The following GART variants were observed in gnomAD, a reference collection of about 807,000 sequenced individuals.
The protein encoded by GART is phosphoribosylglycinamide formyltransferase, phosphoribosylglycinamide synthetase, phosphoribosylaminoimidazole synthetase, also known as trifunctional purine biosynthetic protein adenosine-3.
GART carries 43 observed loss-of-function variants against 107.2 expected under a neutral mutation model. The ratio of observed to expected loss-of-function variants is 0.40; its 90% confidence interval spans 0.31 to 0.52. GART has a LOEUF of 0.52. Among genes scored for constraint, GART ranks in the 20% least tolerant of loss-of-function variants. The pLI is 0.52. For synonymous variants in GART, 434 were observed against 427.0 expected (o/e 1.02, Z -0.20); for missense variants, 1,107 against 1,206.5 (o/e 0.92, Z 1.22).
intron 12 of GART, 102 bp from the exon 13 acceptor site, chr21:33,521,117 G>A (rs1300650567): frequency 2.4e-5 from 20 of 833,344 alleles, no homozygotes; most frequent in Non-Finnish European, 3.5e-5. Context: ...TTAGCGGCCT[G>A]TGAGATGTAC....
In GART at chr21:33,508,329, TA is replaced by T. The variant is rs562243076; in HGVS notation, c.2452+1453del. On this transcript the variant is annotated intron_variant, in intron 18 of 21. Transcript: ENST00000381815. The stretch of plus-strand genomic sequence containing the variant: ...GCTATGACTCTTACAATAGTTTCTT[TA>T]AAAAAAAAAAATTTTAGATTCGGGG... Among the ~76,000 whole-genome samples, 365 of 147,516 alleles carry T rather than the reference TA, an allele frequency of 2.5e-3. 2 individuals carry two copies. Among genetic ancestry groups the T allele is most frequent in the African/African-American group, 6.8e-3 (275 of 40,398 alleles).
chr21:33,522,148 T>G (rs1356710481), intron 12 of GART, 40 bp downstream of exon 12: 1 of 1,384,022 alleles, frequency 7.2e-7, no homozygotes, highest in Non-Finnish European at 1.0e-6. Flanking sequence ...TCACAATGTA[T>G]ATCAAAGTTA....
chr21:33,512,273 G>A (rs1408602792), intron 16 of GART, among the ~76,000 whole-genome samples: 1 of 112,606 alleles, frequency 8.9e-6, no homozygotes, highest in African/African-American at 3.5e-5. Flanking sequence ...GACAGAGTGA[G>A]ACTCCGACTC....
Position 33,528,884 on chromosome 21 carries a change from C to A in GART, c.777G>T (p.Val259=). ...GAGTACCCTCTTGCTGCATGCCATC[C>A]ACTGTCCTCTGAAGAACAGTATCTT... The part of the protein sequence containing the change: ...KIKDTVLQRT[V]DGMQQEGTPY... The change falls in exon 8 of 22, where the codon GTG becomes GTT. Residue 259 remains valine (V), a synonymous_variant. Coordinates refer to ENST00000381815, the MANE Select transcript of GART (RefSeq NM_000819.5). 6.2e-7 allele frequency: 1 copy of A among 1,613,594 alleles called. No homozygotes were observed. The highest frequency in any genetic ancestry group is 8.5e-7 in the Non-Finnish European group (1 of 1,179,626).
At position 33,504,063 on chromosome 21, in the gene GART, A is replaced by C; in HGVS notation, c.*61T>G. ...TTTTGGGCCAAGTCCATGATAAAAA[A>C]CCACCATGCAAACAGCAAATAATTC... On this transcript the variant is annotated 3_prime_UTR_variant, in exon 22 of 22. Coordinates refer to ENST00000381815, the MANE Select transcript of GART (RefSeq NM_000819.5). 6.8e-7 allele frequency: 1 copy of C among 1,464,636 alleles called. No individual in the cohort carries two copies. The highest frequency in any genetic ancestry group is 1.4e-5 in the South Asian group (1 of 71,448). The allele number at this position is 1,464,636 out of a possible 1,614,324, so 90.7% of individuals were successfully genotyped here. A position where few individuals can be genotyped will look rare whatever the true frequency, so the allele number is the denominator to read the frequency against.
In GART at chr21:33,536,418, T is replaced by C. The variant is rs76687027; in HGVS notation, c.146-1098A>G. On this transcript the variant is annotated intron_variant, in intron 2 of 21. Transcript: ENST00000381815. ...ACCATTCGTTAAGTCAGCTGAAGTG[T>C]GCAATCACTCTGCCATTGGTACAGA... Among the ~76,000 whole-genome samples the C allele has an allele frequency of 4.5e-3, 688 of 152,344 alleles. 3 individuals are homozygous for C. Among genetic ancestry groups the C allele is most frequent in the Middle Eastern group, 0.014 (4 of 294 alleles).
intron 16 of GART, among the ~76,000 whole-genome samples, chr21:33,514,096 G>C (rs963837408): frequency 2.0e-5 from 3 of 152,016 alleles, no homozygotes; most frequent in African/African-American, 7.3e-5. Flanking sequence ...GTGAAACCCC[G>C]TCTCTACTAA....
intron 2 of GART, 27 bp from the exon 3 acceptor site, chr21:33,535,347 A>C (rs1360671921): frequency 6.2e-6 from 8 of 1,282,676 alleles, no homozygotes; most frequent in East Asian, 5.2e-5. Flanking sequence ...AAAAAAAAAA[A>C]CCACTGCATT....
intron 7 of GART, 61 bp downstream of exon 7, chr21:33,530,698 C>T (rs945810472): frequency 3.8e-6 from 5 of 1,331,820 alleles, no homozygotes; most frequent in Middle Eastern, 2.0e-4. Flanking sequence ...AAAGTATCAT[C>T]TAAGAGTTCT....
At chr21:33,524,691 G>A (rs2085035653) in intron 11 of GART, 78 bp downstream of exon 11, 3 of 1,590,258 alleles carry the variant, frequency 1.9e-6, no homozygotes, top group Non-Finnish European at 2.6e-6. Context: ...ATGACTTATA[G>A]GGTTAATGAA....
rs145056428 is a variant in GART, at chr21:33,517,396, A to C, written c.1915T>G (p.Ser639Ala). The change falls in exon 15 of 22, where the codon TCC (serine) becomes GCC (alanine). Residue 639 changes from serine to alanine, a missense_variant. By Grantham distance (99) the Ser-to-Ala change is moderately conservative. Transcript: ENST00000381815. ...KIVAKSSLQY[S>A]SPAPDGCGDQ... ...CCACAACCATCAGGTGCTGGAGAGG[A>C]GTACTGGAGGGAAGATTTTGCCACG... 24 of 1,614,012 alleles carry C rather than the reference A, an allele frequency of 1.5e-5. No individual in the cohort carries two copies. The highest frequency in any genetic ancestry group is 1.9e-5 in the Non-Finnish European group (22 of 1,180,036).
At position 33,517,423 on chromosome 21, in the gene GART, T is replaced by G. The variant is rs1178144546; in HGVS notation, c.1888A>C (p.Ile630Leu). 1.2e-6 allele frequency: 2 copies of G among 1,614,022 alleles called. No homozygotes were observed. The highest frequency in any genetic ancestry group is 1.7e-6 in the Non-Finnish European group (2 of 1,180,026). Reference protein sequence around the residue: ...HSNGFSLVRKIVAKSSLQYSS... With the variant: ...HSNGFSLVRKLVAKSSLQYSS... ...TACTGGAGGGAAGATTTTGCCACGA[T>G]TTTCCTCACAAGGCTAAATCCATTG... is the stretch of plus-strand genomic sequence containing the variant. The change falls in exon 15 of 22, where the codon ATC becomes CTC. Residue 630 changes from isoleucine to leucine, a missense_variant. Coordinates refer to ENST00000381815, the MANE Select transcript of GART (RefSeq NM_000819.5).
rs199789229 is a variant in GART, at chr21:33,539,335, A to G, written c.-20T>C. 2 of 1,593,364 alleles carry G rather than the reference A, an allele frequency of 1.3e-6. No individual in the cohort carries two copies. Among genetic ancestry groups the G allele is most frequent in the African/African-American group, 2.7e-5 (2 of 73,350 alleles). ...TGCCATTGTTCTGTCTGTAAAGCAG[A>G]AATTCCAAAGGAAAATGAAACCTGC... On this transcript the variant is annotated 5_prime_UTR_variant, in exon 2 of 22. Transcript: ENST00000381815.
intron 1 of GART, among the ~76,000 whole-genome samples, chr21:33,539,669 G>C (rs1228986457): frequency 1.3e-5 from 2 of 151,516 alleles, no homozygotes; most frequent in Non-Finnish European, 2.9e-5. Context: ...CTCTAGCCTG[G>C]GAAACAGAGC....
intron 4 of GART, among the ~76,000 whole-genome samples, chr21:33,533,911 G>A (rs192115312): frequency 1.3e-5 from 2 of 151,582 alleles, no homozygotes; most frequent in Admixed American, 6.6e-5. Flanking sequence ...TCTCAGGTTG[G>A]GGGGTGGTGG....
intron 7 of GART, among the ~76,000 whole-genome samples, chr21:33,529,957 G>A (rs1396290961): frequency 6.6e-6 from 1 of 151,932 alleles, no homozygotes; most frequent in East Asian, 1.9e-4. Context: ...CACTTTGGGA[G>A]GCCGAGGTGG....
chr21:33,535,324 T>G lies in GART; in HGVS notation c.146-4A>C. The stretch of plus-strand genomic sequence containing the variant: ...GTGTGGTCACTGATTGAGATGGCTG[T>G]AAACAGAAAAAAAAAAAAAAAAACC... On this transcript the variant is annotated splice_polypyrimidine_tract_variant and splice_region_variant and intron_variant, in intron 2 of 21. Coordinates refer to ENST00000381815, the MANE Select transcript of GART (RefSeq NM_000819.5). 1.8e-6 allele frequency: 1 copy of G among 548,098 alleles called. No individual in the cohort carries two copies. Among genetic ancestry groups the G allele is most frequent in the Admixed American group, 3.4e-5 (1 of 29,000 alleles). The allele number at this position is 548,098 out of a possible 1,614,324, so 34.0% of individuals were successfully genotyped here.
chr21:33,527,131 A>G (rs148277287), intron 10 of GART, among the ~76,000 whole-genome samples: 1 of 152,316 alleles, frequency 6.6e-6, no homozygotes, highest in Non-Finnish European at 1.5e-5. Context: ...AAAGGAATCA[A>G]TTCTTAACTG....
intron 7 of GART, among the ~76,000 whole-genome samples, chr21:33,530,194 AAAC>A (rs930793483): frequency 5.9e-5 from 9 of 152,260 alleles, no homozygotes; most frequent in Non-Finnish European, 7.3e-5. Context: ...CCGTCTCAAA[AAAC>A]AACAACAAAA....
Sources: gnomAD v4.1 joint callset for allele counts (sites outside exome capture counted in the v4.1 genomes callset) on GRCh38, gnomAD v4.1.1 for gene constraint, MANE v1.5 for transcripts, NCBI Gene and HGNC (gene_info 2026-07-23, HGNC 2026-07-21) for gene names.